SMTNL2: variants seen among roughly 807,000 people sequenced by gnomAD.
SMTNL2 encodes smoothelin like 2.
A neutral mutation model predicts 44.1 loss-of-function variants in SMTNL2; 43 were observed. The observed-to-expected ratio is 0.98, with a 90% CI of 0.76 to 1.26. The LOEUF (loss-of-function observed/expected upper bound fraction) is 1.26. SMTNL2 is among the 50% of genes most tolerant of loss of function. The pLI, the probability that SMTNL2 is intolerant of heterozygous loss-of-function variation, is 0.00. For missense variants in SMTNL2, 646 were observed against 670.2 expected, an observed-to-expected ratio of 0.96 and a Z score of 0.40; for synonymous variants, 317 against 287.6, an observed-to-expected ratio of 1.10 and a Z score of -1.03.
intron 7 of SMTNL2, among the ~76,000 whole-genome samples, chr17:4,601,259 C>T (rs901141199): frequency 3.9e-5 from 6 of 151,996 alleles, no homozygotes; most frequent in African/African-American, 1.2e-4. Context: ...ACAGAAAATA[C>T]AAAAAATTAT....
At position 4,593,160 on chromosome 17, in the gene SMTNL2, C is replaced by A. The variant is rs775247037; in HGVS notation, c.719C>A (p.Pro240His). The A allele has an allele frequency of 6.2e-7, 1 of 1,604,128 alleles. No individual in the cohort carries two copies. Among genetic ancestry groups the A allele is most frequent in the South Asian group, 1.1e-5 (1 of 90,248 alleles). ...AGCGAGGTCATCACGCCCTGGACTCCCAGTCCTAGCGGTATGAGCTGGAGA... is the reference window on the plus strand; with the variant it reads ...AGCGAGGTCATCACGCCCTGGACTCACAGTCCTAGCGGTATGAGCTGGAGA... ...SPSEVITPWTPSPSEKNSSFT... is the reference protein window; with the variant it reads ...SPSEVITPWTHSPSEKNSSFT... The change falls in exon 3 of 8, where the codon CCC becomes CAC. Residue 240 changes from proline (P) to histidine (H), a missense_variant. Coordinates refer to ENST00000389313, the MANE Select transcript of SMTNL2 (RefSeq NM_001114974.2).
rs776541237 is a variant in SMTNL2, at chr17:4,592,963, C to T, written c.522C>T (p.Asn174=). 6.2e-6 allele frequency: 10 copies of T among 1,613,950 alleles called. No individual in the cohort carries two copies. In the South Asian group the frequency reaches 9.9e-5, roughly 16 times the overall value. Residue 174 remains asparagine, a synonymous_variant, in exon 3 of 8, where the codon AAC becomes AAT. Transcript: ENST00000389313. The surrounding 1 kb of genome is among the most constrained non-coding windows in gnomAD (Gnocchi z 4.5). The part of the protein sequence containing the change: ...PGDGPPEIAQ[N]FSAPDPPRPR... The stretch of plus-strand genomic sequence containing the variant: ...ATGGACCCCCTGAGATTGCCCAAAA[C>T]TTCTCAGCACCAGATCCCCCCAGGC...
intron 4 of SMTNL2, among the ~76,000 whole-genome samples, chr17:4,594,487 A>ATAAC (rs60470555): frequency 1.9e-4 from 29 of 151,950 alleles, no homozygotes; most frequent in Admixed American, 1.4e-3. Context: ...AAATGAATAA[A>ATAAC]AAACAAAAAA....
At position 4,592,912 on chromosome 17, in the gene SMTNL2, C is replaced by A; in HGVS notation, c.488-17C>A. 1.2e-6 allele frequency: 2 copies of A among 1,601,462 alleles called. No homozygotes were observed. Among genetic ancestry groups the A allele is most frequent in the Admixed American group, 1.7e-5 (1 of 59,634 alleles). On this transcript the variant is annotated splice_polypyrimidine_tract_variant and intron_variant, in intron 2 of 7. Coordinates refer to ENST00000389313, the MANE Select transcript of SMTNL2 (RefSeq NM_001114974.2). This position sits in a 1 kb window ranked among gnomAD's most constrained non-coding sequence, Gnocchi z 4.5. Reference sequence around the variant, plus strand: ...TGCCACAGCTGACCACCCACCCATGCTGGTCACATGTTCCAGGTCCAGGCG... The same window carrying A: ...TGCCACAGCTGACCACCCACCCATGATGGTCACATGTTCCAGGTCCAGGCG...
chr17:4,605,793 T>C (rs1168571659), intron 7 of SMTNL2, among the ~76,000 whole-genome samples: 1 of 151,828 alleles, frequency 6.6e-6, no homozygotes, highest in Non-Finnish European at 1.5e-5. Flanking sequence ...TGCCTGATAA[T>C]GTCAGGCCGG....
At position 4,584,633 on chromosome 17, in the gene SMTNL2, G is replaced by C. The variant is rs565052886; in HGVS notation, c.28G>C (p.Ala10Pro). Residue 10 changes from alanine to proline, a missense_variant, in exon 1 of 8, where the codon GCG becomes CCG. Transcript: ENST00000389313. Reference protein sequence around the residue: MEPAPDAQEARTVREALGRY... With the variant: MEPAPDAQEPRTVREALGRY... ...GGAGCCGGCCCCCGACGCCCAGGAG[G>C]CGCGCACTGTGCGCGAGGCGCTGGG... The C allele has an allele frequency of 1.4e-5, 18 of 1,259,388 alleles. No individual in the cohort carries two copies. In the African/African-American group the frequency reaches 2.3e-4, roughly 16 times the overall value. The allele number at this position is 1,259,388 out of a possible 1,614,324, so 78.0% of individuals were successfully genotyped here. A position where few individuals can be genotyped will look rare whatever the true frequency, so the allele number is the denominator to read the frequency against.
rs1441837523 is a variant in SMTNL2 at position 4,592,372 on chromosome 17, C to T, written c.411C>T (p.His137=). ...TTGTGTCTCTGTAGAGTTTGGATCA[C>T]GATGAGGCCAGTGAGTCGGAGATGA... ...SLSGRGQSLD[H]DEASESEMRK... The change falls in exon 2 of 8, where the codon CAC becomes CAT. Residue 137 remains histidine, a synonymous_variant. Transcript: ENST00000389313. The surrounding 1 kb of genome is among the most constrained non-coding windows in gnomAD (Gnocchi z 4.5). The T allele has an allele frequency of 7.4e-6, 12 of 1,613,492 alleles. No individual in the cohort carries two copies. The East Asian group carries it at 8.9e-5, about 12-fold the overall frequency.
rs181941136 is a variant in SMTNL2, at chr17:4,597,301, G to A, written c.1237G>A (p.Glu413Lys). ...LSPTQRQKNF[E>K]LAFTMAENLA... ...CCCCACGCAGAGGCAGAAGAACTTC[G>A]AGCTGGCTTTCACCATGGCCGAGTG... Residue 413 changes from glutamate (E) to lysine (K), a missense_variant, in exon 7 of 8, where the codon GAG (glutamate) becomes AAG (lysine). Coordinates refer to ENST00000389313, the MANE Select transcript of SMTNL2 (RefSeq NM_001114974.2). 252 of 1,614,090 alleles carry A rather than the reference G, an allele frequency of 1.6e-4. 1 individual carries two copies. The highest frequency in any genetic ancestry group is 6.6e-4 in the Middle Eastern group (4 of 6,058).
intron 7 of SMTNL2, among the ~76,000 whole-genome samples, chr17:4,605,199 T>C (rs1367868899): frequency 7.1e-6 from 1 of 141,216 alleles, no homozygotes; most frequent in African/African-American, 2.7e-5. Flanking sequence ...TCTGGCTCTG[T>C]ACCCCAGGCT....
rs748635662 is a variant in SMTNL2, at chr17:4,595,363, C to T, written c.989+36C>T. On this transcript the variant is annotated intron_variant, in intron 5 of 7. Coordinates refer to ENST00000389313, the MANE Select transcript of SMTNL2 (RefSeq NM_001114974.2). The surrounding 1 kb of genome is among the most constrained non-coding windows in gnomAD (Gnocchi z 5.1). ...CCACTCACAGACAGGCCCGGCCCCA[C>T]GGTGTGCCCAGACCCAGACGGGGCT... 2.3e-5 allele frequency: 37 copies of T among 1,599,716 alleles called. 1 individual carries two copies. In the South Asian group the frequency reaches 3.1e-4, roughly 14 times the overall value.
In SMTNL2 at chr17:4,598,622, G is replaced by A. The variant is rs772044759; in HGVS notation, c.1259+1299G>A. Among the ~76,000 whole-genome samples, 4 of 152,088 alleles carry A rather than the reference G, an allele frequency of 2.6e-5. No homozygotes were observed. The highest frequency in any genetic ancestry group is 6.5e-5 in the Admixed American group (1 of 15,272). On this transcript the variant is annotated intron_variant, in intron 7 of 7. Coordinates refer to ENST00000389313, the MANE Select transcript of SMTNL2 (RefSeq NM_001114974.2). The surrounding 1 kb of genome is among the most constrained non-coding windows in gnomAD (Gnocchi z 4.8). ...GTGGATTGCCTGAGCTCAGGAGTTC[G>A]AGACCAGCTTGGGCAACACGGCGAA...
Position 4,595,191 on chromosome 17 carries a change from C to A in SMTNL2, c.853C>A (p.Pro285Thr), listed in dbSNP as rs1388352491. ...CCAGTCGCCCGTGTCCCCGCAGCCG[C>A]CAGCCATAACTCAGGTCCATCGGCA... ...PPQSPVSPQP[P>T]AITQVHRQGE... The change falls in exon 5 of 8, where the codon CCA becomes ACA. Residue 285 changes from proline (P) to threonine (T), a missense_variant. Pro to Thr is a conservative substitution (Grantham distance 38, BLOSUM62 -1). Coordinates refer to ENST00000389313, the MANE Select transcript of SMTNL2 (RefSeq NM_001114974.2). The surrounding 1 kb of genome is among the most constrained non-coding windows in gnomAD (Gnocchi z 5.1). 6.2e-7 allele frequency: 1 copy of A among 1,613,442 alleles called. No individual in the cohort carries two copies. Among genetic ancestry groups the A allele is most frequent in the Non-Finnish European group, 8.5e-7 (1 of 1,180,012 alleles).
intron 7 of SMTNL2, among the ~76,000 whole-genome samples, chr17:4,604,380 C>T (rs1910179322): frequency 6.6e-6 from 1 of 152,208 alleles, no homozygotes; most frequent in Non-Finnish European, 1.5e-5. Context: ...CAGATGCCTC[C>T]ATTTCGCCTT....
In SMTNL2 at chr17:4,584,604, C is replaced by T. The variant is rs1909263278; in HGVS notation, c.-2C>T. On this transcript the variant is annotated 5_prime_UTR_variant, in exon 1 of 8. Coordinates refer to ENST00000389313, the MANE Select transcript of SMTNL2 (RefSeq NM_001114974.2). ...CTCTCGACCCGCGCGCTCTGCTGGG[C>T]CATGGAGCCGGCCCCCGACGCCCAG... 2 of 1,238,146 alleles carry T rather than the reference C, an allele frequency of 1.6e-6. No individual in the cohort carries two copies. Among genetic ancestry groups the T allele is most frequent in the South Asian group, 3.4e-5 (1 of 29,408 alleles). 76.7% of individuals were successfully genotyped at this position (1,238,146 alleles called of 1,614,324 possible).
chr17:4,589,938 C>CTTT (rs780984262), intron 1 of SMTNL2, among the ~76,000 whole-genome samples: 2 of 59,792 alleles, frequency 3.3e-5, no homozygotes, highest in Non-Finnish European at 3.0e-5. Flanking sequence ...ACGCACCTGG[C>CTTT]TTTTTTTTTT....
chr17:4,604,193 G>A (rs557700185), intron 7 of SMTNL2, among the ~76,000 whole-genome samples: 47 of 152,196 alleles, frequency 3.1e-4, no homozygotes, highest in Middle Eastern at 3.4e-3. Context: ...ACCTTTGCAC[G>A]CCTGCTCGCA....
At chr17:4,590,247 G>A (rs1182890246) in intron 1 of SMTNL2, among the ~76,000 whole-genome samples, 2 of 151,978 alleles carry the variant, frequency 1.3e-5, no homozygotes, top group Non-Finnish European at 2.9e-5. Flanking sequence ...GATGACAGGC[G>A]TGAGCCACCG....
chr17:4,585,000 GC>G lies in SMTNL2; in HGVS notation c.397del (p.Gln133ArgfsTer13). On this transcript the variant is annotated frameshift_variant, in exon 1 of 8. Coordinates refer to ENST00000389313, the MANE Select transcript of SMTNL2 (RefSeq NM_001114974.2). LOFTEE classifies it high-confidence loss of function. ...SHATFSLSGR[G>X]QSLDHDEASE... ...GCCACCTTCTCGCTGTCCGGCCGCG[GC>G]CAGGTGAGCCCGGGGGAGCGCGTGC... The G allele has an allele frequency of 1.5e-6, 2 of 1,355,716 alleles. No homozygotes were observed. The highest frequency in any genetic ancestry group is 1.7e-5 in the South Asian group (1 of 57,654). 84.0% of individuals were successfully genotyped at this position (1,355,716 alleles called of 1,614,324 possible). A position where few individuals can be genotyped will look rare whatever the true frequency, so the allele number is the denominator to read the frequency against.
In SMTNL2 at chr17:4,595,417, C is replaced by T; in HGVS notation, c.989+90C>T. On this transcript the variant is annotated intron_variant, in intron 5 of 7. Transcript: ENST00000389313. The surrounding 1 kb of genome is among the most constrained non-coding windows in gnomAD (Gnocchi z 5.1). ...GTGGGTGCAGCAGGGCAAGGTTCAGCCCTGTCCTGTTCCCCAGGGCGCTGT... is the reference window on the plus strand; with the variant it reads ...GTGGGTGCAGCAGGGCAAGGTTCAGTCCTGTCCTGTTCCCCAGGGCGCTGT... The T allele has an allele frequency of 6.7e-7, 1 of 1,503,030 alleles. No homozygotes were observed. The highest frequency in any genetic ancestry group is 1.3e-5 in the South Asian group (1 of 76,876). The allele number at this position is 1,503,030 out of a possible 1,614,324, so 93.1% of individuals were successfully genotyped here. A position where few individuals can be genotyped will look rare whatever the true frequency, so the allele number is the denominator to read the frequency against.
Sources: gnomAD v4.1 joint callset for allele counts (sites outside exome capture counted in the v4.1 genomes callset) on GRCh38, gnomAD v4.1.1 for gene constraint, Gnocchi (gnomAD v3.1) non-coding constraint, MANE v1.5 for transcripts, NCBI Gene and HGNC (gene_info 2026-07-23, HGNC 2026-07-21) for gene names.